Variants in MYO5C observed in about 807,000 individuals in gnomAD.
MYO5C encodes unconventional myosin-Vc.
A neutral mutation model predicts 235.7 loss-of-function variants in MYO5C; 194 were observed. The observed-to-expected ratio is 0.82, with a 90% CI of 0.73 to 0.93. The LOEUF (loss-of-function observed/expected upper bound fraction) is 0.93. Ranked by LOEUF, MYO5C falls within the 40% of genes least tolerant of loss-of-function variation. The pLI is 0.00. For synonymous variants in MYO5C, 707 were observed against 754.8 expected, an observed-to-expected ratio of 0.94 and a Z score of 1.04; for missense variants, 2,038 against 2,127.2, an observed-to-expected ratio of 0.96 and a Z score of 0.82.
chr15:52,286,196 G>GC (rs1226006999), intron 1 of MYO5C, among the ~76,000 whole-genome samples: 1 of 150,068 alleles, frequency 6.7e-6, no homozygotes, highest in Non-Finnish European at 1.5e-5. Context: ...TCTCCGCCCG[G>GC]CAGCCGCCCC....
intron 38 of MYO5C, among the ~76,000 whole-genome samples, chr15:52,199,708 C>G (rs1315340467): frequency 6.6e-6 from 1 of 152,114 alleles, no homozygotes; most frequent in East Asian, 1.9e-4. Context: ...TGCTCAAGTT[C>G]CAATCCCATG....
At chr15:52,245,571 C>A in intron 17 of MYO5C, 106 bp from the exon 18 acceptor site, 3 of 812,256 alleles carry the variant, frequency 3.7e-6, no homozygotes, top group South Asian at 1.4e-5. Context: ...GGGGGTGGTG[C>A]AATCTGTCCT....
rs558481138 is a variant in MYO5C, at chr15:52,203,886, T to C, written c.4820+979A>G. 8.5e-5 allele frequency among the ~76,000 whole-genome samples: 13 copies of C among 152,284 alleles called. No individual in the cohort carries two copies. In the South Asian group the frequency reaches 2.7e-3, roughly 32 times the overall value. On this transcript the variant is annotated intron_variant, in intron 38 of 40. Coordinates refer to ENST00000261839, the MANE Select transcript of MYO5C (RefSeq NM_018728.4). ...CACAAATAAGTGAGAACATCTGATG[T>C]TTGTCTTTCTATGCCTGGCTTATTT...
rs112260691 is a variant in MYO5C, at chr15:52,248,606, A to T, written c.1746+94T>A. ...AGAGTTCACACACACACACACACACACTCTCTCTCTCTCTCTCCTTACTCT... is the reference window on the plus strand; with the variant it reads ...AGAGTTCACACACACACACACACACTCTCTCTCTCTCTCTCTCCTTACTCT... On this transcript the variant is annotated intron_variant, in intron 14 of 40. Coordinates refer to ENST00000261839, the MANE Select transcript of MYO5C (RefSeq NM_018728.4). The T allele has an allele frequency of 3.4e-3, 2,155 of 630,270 alleles. 12 individuals are homozygous for T. Among genetic ancestry groups the T allele is most frequent in the Admixed American group, 0.026 (974 of 37,920 alleles). The allele number at this position is 630,270 out of a possible 1,614,324, so 39.0% of individuals were successfully genotyped here. A position where few individuals can be genotyped will look rare whatever the true frequency, so the allele number is the denominator to read the frequency against.
intron 1 of MYO5C, among the ~76,000 whole-genome samples, chr15:52,285,917 T>C (rs1383209134): frequency 1.3e-5 from 2 of 151,916 alleles, no homozygotes; most frequent in Non-Finnish European, 2.9e-5. Flanking sequence ...GGAGCATCTC[T>C]GTCTGGCCGC....
At chr15:52,200,991 A>C (rs971327162) in intron 38 of MYO5C, among the ~76,000 whole-genome samples, 3 of 152,240 alleles carry the variant, frequency 2.0e-5, no homozygotes, top group Non-Finnish European at 4.4e-5. Flanking sequence ...TCCAATCTGA[A>C]CAGCACAGAA....
rs573691796 is a variant in MYO5C at position 52,227,855 on chromosome 15, T to C, written c.3207+1278A>G. 3.5e-4 allele frequency among the ~76,000 whole-genome samples: 53 copies of C among 152,374 alleles called. No homozygotes were observed. The South Asian group carries it at 0.011, about 30-fold the overall frequency. On this transcript the variant is annotated intron_variant, in intron 25 of 40. Coordinates refer to ENST00000261839, the MANE Select transcript of MYO5C (RefSeq NM_018728.4). ...AAAGCTCTTCTAAACCACGCATGGC[T>C]AGTTCATGACAATTACAGAGACTAT...
intron 29 of MYO5C, among the ~76,000 whole-genome samples, chr15:52,221,942 A>G (rs2035698032): frequency 6.6e-6 from 1 of 152,232 alleles, no homozygotes; most frequent in Admixed American, 6.5e-5. Context: ...TGCATTTAGT[A>G]GAAACCATAC....
chr15:52,222,520 G>A (rs187639704), intron 29 of MYO5C, among the ~76,000 whole-genome samples: 129 of 152,124 alleles, frequency 8.5e-4, no homozygotes, highest in African/African-American at 3.0e-3. Flanking sequence ...GATTAGCATC[G>A]CCAGAGGCTG....
chr15:52,286,504 GA>G (rs1393476166), intron 1 of MYO5C, among the ~76,000 whole-genome samples: 1 of 152,094 alleles, frequency 6.6e-6, no homozygotes, highest in Non-Finnish European at 1.5e-5. Flanking sequence ...AGAAAGGGGG[GA>G]AAGGTGGGGA....
intron 35 of MYO5C, among the ~76,000 whole-genome samples, chr15:52,211,312 T>A (rs1165505379): frequency 6.6e-6 from 1 of 152,234 alleles, no homozygotes; most frequent in African/African-American, 2.4e-5. Flanking sequence ...ACAGTTCATC[T>A]TCATTTGTGG....
chr15:52,257,300 G>A lies in MYO5C; in HGVS notation c.1314-580C>T, dbSNP rs1166669110. ...CAGCCCAGCACACCCCATCAGGGAC[G>A]AGACAGACATGGCTGGCTTCCATAT... On this transcript the variant is annotated intron_variant, in intron 10 of 40. Transcript: ENST00000261839. Among the ~76,000 whole-genome samples the A allele has an allele frequency of 2.0e-5, 3 of 152,332 alleles. No homozygotes were observed. The East Asian group carries it at 5.8e-4, about 29-fold the overall frequency.
chr15:52,248,908 C>A, intron 13 of MYO5C, 125 bp from the exon 14 acceptor site: 1 of 666,580 alleles, frequency 1.5e-6, no homozygotes, highest in Non-Finnish European at 2.6e-6. Flanking sequence ...TACAAAAAGA[C>A]GTCTGGCTTC....
At chr15:52,241,408 C>T (rs1441546919) in intron 20 of MYO5C, among the ~76,000 whole-genome samples, 2 of 151,858 alleles carry the variant, frequency 1.3e-5, no homozygotes, top group African/African-American at 2.4e-5. Context: ...TACAGGTGCC[C>T]GTCACCACAC....
chr15:52,232,739 G>A (rs2035994194), intron 23 of MYO5C, 54 bp from the exon 24 acceptor site: 5 of 1,438,642 alleles, frequency 3.5e-6, no homozygotes, highest in South Asian at 1.1e-5. Flanking sequence ...TGCCTTGATT[G>A]TTTCATGTTA....
chr15:52,196,793 T>C (rs1255688705), intron 38 of MYO5C, among the ~76,000 whole-genome samples: 1 of 152,250 alleles, frequency 6.6e-6, no homozygotes, highest in African/African-American at 2.4e-5. Flanking sequence ...CAGTGATATC[T>C]GAAGAGAAGA....
chr15:52,242,093 C>A lies in MYO5C; in HGVS notation c.2511G>T (p.Met837Ile). 1 of 1,613,982 alleles carries A rather than the reference C, an allele frequency of 6.2e-7. No homozygotes were observed. Among genetic ancestry groups the A allele is most frequent in the Non-Finnish European group, 8.5e-7 (1 of 1,179,940 alleles). Residue 837 changes from methionine (M) to isoleucine (I), a missense_variant, in exon 20 of 41, where the codon ATG becomes ATT. Physicochemically the swap from Met to Ile is conservative, Grantham distance 10. Transcript: ENST00000261839. ...CCAGGAATCCTCGGCTGTAGGCCTG[C>A]ATTGTGATGGTGGCCATGCGAATCA... ...YQLIRMATIT[M>I]QAYSRGFLAR...
intron 35 of MYO5C, among the ~76,000 whole-genome samples, chr15:52,210,466 A>G (rs2035420870): frequency 6.6e-6 from 1 of 152,206 alleles, no homozygotes; most frequent in Admixed American, 6.5e-5. Context: ...ATGGATCAGT[A>G]CATTGTAATT....
chr15:52,194,095 C>A, intron 40 of MYO5C, 41 bp from the exon 41 acceptor site: 1 of 1,596,764 alleles, frequency 6.3e-7, no homozygotes, highest in South Asian at 1.1e-5. Flanking sequence ...AGGAAACTAA[C>A]ATGTTCTGCT....
Sources: allele counts gnomAD v4.1 joint callset (sites outside exome capture counted in the v4.1 genomes callset), GRCh38; gene constraint gnomAD v4.1.1; transcripts MANE v1.5; gene names NCBI Gene and HGNC (gene_info 2026-07-23, HGNC 2026-07-21).